The following FAM177A1 variants were observed in gnomAD, a reference collection of about 807,000 sequenced individuals.
FAM177A1 encodes the protein family with sequence similarity 177 member A1, also known as protein FAM177A1.
In FAM177A1, 22 loss-of-function variants were observed where a neutral mutation model predicts 26.1. The observed-to-expected ratio is 0.84, with a 90% CI of 0.60 to 1.20. FAM177A1 has a LOEUF of 1.20. Ranked by LOEUF, FAM177A1 falls within the 50% of genes most tolerant of loss-of-function variation. The pLI is 0.00. For missense variants in FAM177A1, 296 were observed against 291.1 expected, an observed-to-expected ratio of 1.02 and a Z score of -0.12; for synonymous variants, 95 against 99.3, an observed-to-expected ratio of 0.96 and a Z score of 0.26.
At chr14:35,056,522 A>AT (rs1170635641) in intron 2 of FAM177A1, among the ~76,000 whole-genome samples, 1 of 151,328 alleles carries the variant, frequency 6.6e-6, no homozygotes, top group Admixed American at 6.6e-5. Context: ...CGTCTGGCTA[A>AT]TTTTTTTTGT....
intron 2 of FAM177A1, among the ~76,000 whole-genome samples, chr14:35,058,926 T>C (rs2045104801): frequency 6.6e-6 from 1 of 152,208 alleles, no homozygotes; most frequent in Non-Finnish European, 1.5e-5. Flanking sequence ...GATATTGCCA[T>C]GTGAGCTTTT....
rs1438187282 is a variant in FAM177A1, at chr14:35,066,045, G to A, written c.340-11105G>A. Reference sequence around the variant, plus strand: ...GCCATTGTCTGATAATATGAAAATCGTAGGAATTCTAATCCTTTTTTTTAA... The same window carrying A: ...GCCATTGTCTGATAATATGAAAATCATAGGAATTCTAATCCTTTTTTTTAA... On this transcript the variant is annotated intron_variant, in intron 2 of 4. Transcript: ENST00000280987. 2.0e-5 allele frequency among the ~76,000 whole-genome samples: 3 copies of A among 151,894 alleles called. No individual in the cohort carries two copies. In the East Asian group the frequency reaches 5.8e-4, roughly 30 times the overall value.
chr14:35,051,471 G>T (rs1213494110), intron 1 of FAM177A1, among the ~76,000 whole-genome samples: 2 of 152,080 alleles, frequency 1.3e-5, no homozygotes, highest in East Asian at 3.8e-4. Flanking sequence ...TGAGTGCAGT[G>T]GTGCGATCTC....
In FAM177A1 at chr14:35,046,340, C is replaced by T; in HGVS notation, c.-124C>T. ...TAGGCGAGGCGCGGGCTGGCCCCGC[C>T]CCTCAGGCCGGCGAGTCCCCTTCTC... On this transcript the variant is annotated 5_prime_UTR_variant, in exon 1 of 5. Coordinates refer to ENST00000280987, the MANE Select transcript of FAM177A1 (RefSeq NM_173607.5). 2 of 1,181,696 alleles carry T rather than the reference C, an allele frequency of 1.7e-6. No individual in the cohort carries two copies. The highest frequency in any genetic ancestry group is 3.1e-4 in the Middle Eastern group (1 of 3,222). The allele number at this position is 1,181,696 out of a possible 1,614,324, so 73.2% of individuals were successfully genotyped here.
At chr14:35,062,793 C>CAAAA (rs11285301) in intron 2 of FAM177A1, among the ~76,000 whole-genome samples, 1 of 64,674 alleles carries the variant, frequency 1.5e-5, no homozygotes, top group African/African-American at 5.1e-5. Context: ...GACCCTGTCT[C>CAAAA]AAAAAAAAAA....
At chr14:35,053,088 A>C (rs906345428) in intron 1 of FAM177A1, 190 bp from the exon 2 acceptor site, 2 of 520,008 alleles carry the variant, frequency 3.8e-6, no homozygotes, top group Non-Finnish European at 6.7e-6. Flanking sequence ...GGTGGGTTTT[A>C]TTTGGTCTGC....
chr14:35,076,356 A>G (rs2045395258), intron 2 of FAM177A1, among the ~76,000 whole-genome samples: 1 of 148,802 alleles, frequency 6.7e-6, no homozygotes, highest in South Asian at 2.2e-4. Flanking sequence ...AAAACCAAAC[A>G]CCGCATGTTC....
intron 1 of FAM177A1, chr14:35,050,428 G>A (rs2044946461): frequency 6.6e-6 from 1 of 152,052 alleles, no homozygotes; most frequent in Non-Finnish European, 1.5e-5. Flanking sequence ...ATGATTTTCT[G>A]GTTGGTTTTA....
chr14:35,077,440 A>G (rs1449536378), intron 3 of FAM177A1, among the ~76,000 whole-genome samples: 1 of 138,432 alleles, frequency 7.2e-6, no homozygotes, highest in East Asian at 2.1e-4. Context: ...AAAAATGACT[A>G]TGTTAGTTTA....
chr14:35,053,078 G>C, intron 1 of FAM177A1, 200 bp from the exon 2 acceptor site: 1 of 495,800 alleles, frequency 2.0e-6, no homozygotes, highest in Non-Finnish European at 3.5e-6. Context: ...GTTTACAAAT[G>C]GTGGGTTTTA....
At chr14:35,079,616 T>G (rs767364926) in intron 4 of FAM177A1, among the ~76,000 whole-genome samples, 2 of 152,168 alleles carry the variant, frequency 1.3e-5, no homozygotes, top group Non-Finnish European at 2.9e-5. Flanking sequence ...GACAGAACAC[T>G]TAACCCCTCT....
Position 35,046,342 on chromosome 14 carries a change from C to A in FAM177A1, c.-122C>A. ...GGCGAGGCGCGGGCTGGCCCCGCCC[C>A]TCAGGCCGGCGAGTCCCCTTCTCAG... On this transcript the variant is annotated 5_prime_UTR_variant, in exon 1 of 5. Coordinates refer to ENST00000280987, the MANE Select transcript of FAM177A1 (RefSeq NM_173607.5). The A allele has an allele frequency of 8.1e-7, 1 of 1,227,114 alleles. No individual in the cohort carries two copies. Among genetic ancestry groups the A allele is most frequent in the South Asian group, 1.9e-5 (1 of 53,772 alleles). The allele number at this position is 1,227,114 out of a possible 1,614,324, so 76.0% of individuals were successfully genotyped here. A position where few individuals can be genotyped will look rare whatever the true frequency, so the allele number is the denominator to read the frequency against.
chr14:35,079,786 G>A (rs1414783534), intron 4 of FAM177A1, among the ~76,000 whole-genome samples: 1 of 152,056 alleles, frequency 6.6e-6, no homozygotes. Context: ...CAAATAGAGG[G>A]CAGCAATTCA....
rs555464747 is a variant in FAM177A1 at position 35,076,854 on chromosome 14, G to A, written c.340-296G>A. ...GCAAGACAGGAGAAAGGAAAGCTCT[G>A]GATTGTCAACTCATAAAATAATCCA... On this transcript the variant is annotated intron_variant, in intron 2 of 4. Transcript: ENST00000280987. Among the ~76,000 whole-genome samples the A allele has an allele frequency of 2.1e-4, 32 of 152,290 alleles. No individual in the cohort carries two copies. The South Asian group carries it at 6.4e-3, about 31-fold the overall frequency.
In FAM177A1 at chr14:35,081,465, G is replaced by T. The variant is rs1233674668; in HGVS notation, c.*237G>T. On this transcript the variant is annotated 3_prime_UTR_variant, in exon 5 of 5. Transcript: ENST00000280987. ...GAAATTAGTGCTTTGGTTTTAAAAT[G>T]ATCTTTTAAAAAAGTTAAGGACATC... 6.0e-6 allele frequency: 2 copies of T among 332,110 alleles called. No homozygotes were observed. Among genetic ancestry groups the T allele is most frequent in the East Asian group, 5.5e-5 (1 of 18,052 alleles). 20.6% of individuals were successfully genotyped at this position (332,110 alleles called of 1,614,324 possible). A position where few individuals can be genotyped will look rare whatever the true frequency, so the allele number is the denominator to read the frequency against.
At chr14:35,064,368 CAG>C (rs1447375083) in intron 2 of FAM177A1, among the ~76,000 whole-genome samples, 1 of 152,170 alleles carries the variant, frequency 6.6e-6, no homozygotes, top group East Asian at 1.9e-4. Context: ...GCCTGGGCAA[CAG>C]AACATGACTT....
At position 35,055,594 on chromosome 14, in the gene FAM177A1, C is replaced by T. The variant is rs141690972; in HGVS notation, c.339+2143C>T. Among the ~76,000 whole-genome samples the T allele has an allele frequency of 6.1e-3, 922 of 151,928 alleles. 11 individuals carry two copies. Among genetic ancestry groups the T allele is most frequent in the African/African-American group, 0.02 (813 of 41,446 alleles). ...GATTGCAGGCATACACCTCCACGCC[C>T]GGCTAATTTTTGTATTTTTTTTAGT... On this transcript the variant is annotated intron_variant, in intron 2 of 4. Transcript: ENST00000280987.
upstream of FAM177A1, among the ~76,000 whole-genome samples, chr14:35,045,360 G>A (rs762066803): frequency 5.9e-5 from 9 of 152,138 alleles, no homozygotes; most frequent in Non-Finnish European, 7.3e-5. Flanking sequence ...CATAGAATAG[G>A]AAGTGTACAA....
At position 35,078,968 on chromosome 14, in the gene FAM177A1, A is replaced by G. The variant is rs771905703; in HGVS notation, c.448A>G (p.Ile150Val). The G allele has an allele frequency of 6.4e-7, 1 of 1,555,036 alleles. No homozygotes were observed. Among genetic ancestry groups the G allele is most frequent in the Non-Finnish European group, 8.6e-7 (1 of 1,161,890 alleles). Residue 150 changes from isoleucine (I) to valine (V), a missense_variant, in exon 4 of 5, where the codon ATC becomes GTC. Ile to Val is a conservative substitution (Grantham distance 29). Transcript: ENST00000280987. ...LGEKIASVLG[I>V]STPKYQYAID... The stretch of plus-strand genomic sequence containing the variant: ...AGAGAAGATTGCATCTGTTTTGGGT[A>G]TCAGCACCCCAAAGTACCAATATGC...
Sources: gnomAD v4.1 joint callset for allele counts (sites outside exome capture counted in the v4.1 genomes callset) on GRCh38, gnomAD v4.1.1 for gene constraint, MANE v1.5 for transcripts, NCBI Gene and HGNC (gene_info 2026-07-23, HGNC 2026-07-21) for gene names.